Variants in SEC14L5 observed in about 807,000 individuals in gnomAD.
SEC14L5 encodes SEC14-like protein 5.
In SEC14L5, 96 loss-of-function variants were observed where a neutral mutation model predicts 84.6. The observed-to-expected ratio is 1.13, with a 90% CI of 0.96 to 1.34. The LOEUF is 1.34. Among genes scored for constraint, SEC14L5 ranks in the 40% most tolerant of loss-of-function variants. The pLI is 0.00. For missense variants in SEC14L5, 1,224 were observed against 942.5 expected (o/e 1.30, Z -3.91); for synonymous variants, 546 against 383.4 (o/e 1.42, Z -4.95).
intron 2 of SEC14L5, among the ~76,000 whole-genome samples, chr16:4,983,638 A>C (rs1271418416): frequency 1.3e-5 from 2 of 151,522 alleles, no homozygotes; most frequent in African/African-American, 4.8e-5. Flanking sequence ...GCACTTTGGG[A>C]GGCCGAGGTG....
chr16:4,964,092 G>T (rs1955163526), intron 2 of SEC14L5, among the ~76,000 whole-genome samples: 1 of 152,228 alleles, frequency 6.6e-6, no homozygotes, highest in Non-Finnish European at 1.5e-5. Flanking sequence ...GGCAGCTGGA[G>T]TATCCAGTGT....
rs1350165178 is a variant in SEC14L5 at position 4,987,600 on chromosome 16, TC to T, written c.109del (p.Leu37TrpfsTer50). On this transcript the variant is annotated frameshift_variant, in exon 3 of 16. Coordinates refer to ENST00000251170, the MANE Select transcript of SEC14L5 (RefSeq NM_014692.2). LOFTEE classifies it high-confidence loss of function. Reference sequence around the variant, plus strand: ...CCCACGTGCCCACAGATCCCAGTCTTCCTGGGCAGCGAGGTCTTGCGCGAGT... The same window carrying T: ...CCCACGTGCCCACAGATCCCAGTCTTCTGGGCAGCGAGGTCTTGCGCGAGT... ...RFPTCPQIPV[F>X]LGSEVLRESR... 6.4e-7 allele frequency: 1 copy of T among 1,561,284 alleles called. No homozygotes were observed. Among genetic ancestry groups the T allele is most frequent in the Non-Finnish European group, 8.7e-7 (1 of 1,153,740 alleles).
chr16:4,963,085 C>G (rs1955149362), intron 2 of SEC14L5, among the ~76,000 whole-genome samples: 2 of 152,318 alleles, frequency 1.3e-5, no homozygotes, highest in South Asian at 2.1e-4. Flanking sequence ...TTTAACAAAA[C>G]TGACTTCAGA....
chr16:5,010,206 AAAAAAAAAAAAG>A (rs1955783173), intron 14 of SEC14L5, among the ~76,000 whole-genome samples: 1 of 149,344 alleles, frequency 6.7e-6, no homozygotes, highest in African/African-American at 2.5e-5. Context: ...AAAAAAAAAA[AAAAAAAAAAAAG>A]CGAGGTGTGG....
rs1432436752 is a variant in SEC14L5, at chr16:5,015,616, C to G, written c.*646C>G. On this transcript the variant is annotated 3_prime_UTR_variant, in exon 16 of 16. Coordinates refer to ENST00000251170, the MANE Select transcript of SEC14L5 (RefSeq NM_014692.2). ...ATCTCTGGAACCAACCACCTGCTCT[C>G]AAAAGCACTAGTGGGTGCCTCGAGG... is the stretch of plus-strand genomic sequence containing the variant. The G allele has an allele frequency of 6.5e-6, 1 of 152,828 alleles. No homozygotes were observed. Among genetic ancestry groups the G allele is most frequent in the Admixed American group, 6.5e-5 (1 of 15,388 alleles). 9.5% of individuals were successfully genotyped at this position (152,828 alleles called of 1,614,324 possible). A position where few individuals can be genotyped will look rare whatever the true frequency, so the allele number is the denominator to read the frequency against.
At chr16:4,987,470 G>A in intron 2 of SEC14L5, 87 bp from the exon 3 acceptor site, 1 of 1,182,758 alleles carries the variant, frequency 8.5e-7, no homozygotes, top group Non-Finnish European at 1.2e-6. Flanking sequence ...CGTCTGATAA[G>A]TGACACAGCA....
At chr16:4,967,859 G>A (rs889197451) in intron 2 of SEC14L5, among the ~76,000 whole-genome samples, 9 of 150,314 alleles carry the variant, frequency 6.0e-5, no homozygotes, top group Admixed American at 1.3e-4. Flanking sequence ...CACCTACCTC[G>A]GCCTCCCAAA....
intron 2 of SEC14L5, among the ~76,000 whole-genome samples, chr16:4,986,747 T>A (rs1031226563): frequency 6.6e-6 from 1 of 152,240 alleles, no homozygotes; most frequent in African/African-American, 2.4e-5. Context: ...ATTTTACACT[T>A]CTTTTTGTTG....
intron 6 of SEC14L5, among the ~76,000 whole-genome samples, chr16:4,995,143 C>T (rs1955595822): frequency 6.6e-6 from 1 of 152,188 alleles, no homozygotes; most frequent in South Asian, 2.1e-4. Flanking sequence ...GTGCTGCTGG[C>T]CGTTCATTCA....
chr16:4,961,000 A>G (rs1450628578), intron 2 of SEC14L5, among the ~76,000 whole-genome samples: 2 of 152,174 alleles, frequency 1.3e-5, no homozygotes, highest in Admixed American at 6.6e-5. Flanking sequence ...AGCCGGGTGC[A>G]GTGGCTCACA....
intron 2 of SEC14L5, among the ~76,000 whole-genome samples, chr16:4,964,687 C>T (rs185082759): frequency 2.2e-4 from 33 of 152,254 alleles, no homozygotes; most frequent in African/African-American, 6.0e-4. Context: ...CTTCCTGCTT[C>T]GGCCTCCCAA....
intron 2 of SEC14L5, among the ~76,000 whole-genome samples, chr16:4,977,012 T>C (rs2908650): frequency 1 from 152,263 of 152,354 alleles, 76,086 homozygotes; most frequent in Middle Eastern, 1. Context: ...TTGGGAGGTA[T>C]GAAAGGCACA....
rs758788278 is a variant in SEC14L5 at position 5,003,357 on chromosome 16, G to C, written c.1131-45G>C. On this transcript the variant is annotated intron_variant, in intron 10 of 15. Transcript: ENST00000251170. ...CTGTGGGGAGGGTGTTGGTGGCCTTGGGAGGCAGCAGAGCCAGGTGGAGCT... is the reference window on the plus strand; with the variant it reads ...CTGTGGGGAGGGTGTTGGTGGCCTTCGGAGGCAGCAGAGCCAGGTGGAGCT... The C allele has an allele frequency of 5.3e-5, 82 of 1,535,956 alleles. No homozygotes were observed. The South Asian group carries it at 8.5e-4, about 16-fold the overall frequency.
At chr16:5,009,450 A>G (rs1955774881) in intron 14 of SEC14L5, among the ~76,000 whole-genome samples, 1 of 151,994 alleles carries the variant, frequency 6.6e-6, no homozygotes, top group African/African-American at 2.4e-5. Context: ...CAGCCTTCTG[A>G]GTAGCTGGGA....
At chr16:4,977,911 A>G (rs1316789599) in intron 2 of SEC14L5, among the ~76,000 whole-genome samples, 1 of 150,516 alleles carries the variant, frequency 6.6e-6, no homozygotes, top group Non-Finnish European at 1.5e-5. Context: ...AGCAATTCTC[A>G]TGCCTCAGCC....
At chr16:4,968,981 A>G (rs914404035) in intron 2 of SEC14L5, among the ~76,000 whole-genome samples, 1 of 152,258 alleles carries the variant, frequency 6.6e-6, no homozygotes, top group African/African-American at 2.4e-5. Context: ...TTAGGCCAAA[A>G]GCAGTTACAG....
At chr16:5,006,956 C>G (rs1489012962) in intron 12 of SEC14L5, among the ~76,000 whole-genome samples, 3 of 152,038 alleles carry the variant, frequency 2.0e-5, no homozygotes, top group East Asian at 1.9e-4. Flanking sequence ...CTGTTCCACC[C>G]CCGCCTGTGA....
chr16:5,000,914 C>T lies in SEC14L5; in HGVS notation c.1119C>T (p.Gly373=), dbSNP rs778491704. 3.7e-6 allele frequency: 6 copies of T among 1,606,500 alleles called. No homozygotes were observed. Among genetic ancestry groups the T allele is most frequent in the East Asian group, 2.2e-5 (1 of 44,624 alleles). The change falls in exon 10 of 16, where the codon GGC becomes GGT. Residue 373 remains glycine, a synonymous_variant. Coordinates refer to ENST00000251170, the MANE Select transcript of SEC14L5 (RefSeq NM_014692.2). ...GTGAGGGGAGCACAAGGCAGCTGGG[C>T]CGTCCCATCAGGCAAACACCTGGGC... ...KRCEGSTRQL[G]RPISSWTCLL...
rs918553076 is a variant in SEC14L5, at chr16:5,019,041, G to A, written c.*4071G>A. The stretch of plus-strand genomic sequence containing the variant: ...GGGCTCGTTCAAGAACTTTCCAGCT[G>A]TTGTTTAAAAGACTTTAGAGCTAGC... On this transcript the variant is annotated 3_prime_UTR_variant, in exon 16 of 16. Coordinates refer to ENST00000251170, the MANE Select transcript of SEC14L5 (RefSeq NM_014692.2). 3 of 152,210 alleles carry A rather than the reference G, an allele frequency of 2.0e-5. No individual in the cohort carries two copies. Among genetic ancestry groups the A allele is most frequent in the Non-Finnish European group, 4.4e-5 (3 of 68,042 alleles). 9.4% of individuals were successfully genotyped at this position (152,210 alleles called of 1,614,324 possible). A position where few individuals can be genotyped will look rare whatever the true frequency, so the allele number is the denominator to read the frequency against.
Sources: allele counts gnomAD v4.1 joint callset (sites outside exome capture counted in the v4.1 genomes callset), GRCh38; gene constraint gnomAD v4.1.1; transcripts MANE v1.5; gene names NCBI Gene and HGNC (gene_info 2026-07-23, HGNC 2026-07-21).